The following ASB7 variants were observed in gnomAD, a reference collection of about 807,000 sequenced individuals.
The protein encoded by ASB7 is ankyrin repeat and SOCS box containing 7, also known as ankyrin repeat and SOCS box protein 7.
ASB7 carries 4 observed loss-of-function variants against 32.5 expected under a neutral mutation model. That is an observed-to-expected ratio of 0.12 (90% CI 0.06 to 0.28). ASB7 has a LOEUF of 0.28. Ranked by LOEUF, ASB7 falls within the 10% of genes least tolerant of loss-of-function variation. The pLI, the probability that ASB7 is intolerant of heterozygous loss-of-function variation, is 1.00. For missense variants in ASB7, 181 were observed against 407.1 expected, an observed-to-expected ratio of 0.44 and a Z score of 4.78; for synonymous variants, 172 against 155.6, an observed-to-expected ratio of 1.11 and a Z score of -0.78.
intron 4 of ASB7, among the ~76,000 whole-genome samples, chr15:100,623,475 A>G (rs1446926885): frequency 6.6e-6 from 1 of 152,266 alleles, no homozygotes; most frequent in Non-Finnish European, 1.5e-5. Flanking sequence ...TCCAGCAGGC[A>G]TGTGAAAAAT....
intron 3 of ASB7, 33 bp from the exon 4 acceptor site, chr15:100,612,133 A>C (rs2039701632): frequency 2.5e-6 from 3 of 1,204,940 alleles, no homozygotes; most frequent in Admixed American, 2.0e-5. Context: ...CAGTTATTCT[A>C]AATTTTACCT....
At chr15:100,619,404 A>G (rs967695366) in intron 4 of ASB7, among the ~76,000 whole-genome samples, 11 of 152,260 alleles carry the variant, frequency 7.2e-5, no homozygotes, top group Non-Finnish European at 5.9e-5. Flanking sequence ...TTAGCTAGTT[A>G]TAGTATGTGA....
chr15:100,642,551 A>T (rs1006117850), intron 5 of ASB7, among the ~76,000 whole-genome samples: 1 of 151,962 alleles, frequency 6.6e-6, no homozygotes, highest in African/African-American at 2.4e-5. Flanking sequence ...TCCTTGTAAC[A>T]CTCACCTCCA....
chr15:100,602,975 T>G lies in ASB7; in HGVS notation c.-344T>G, dbSNP rs2039569194. ...CAGGGTCCGGCCCTGCCTGGGGTAT[T>G]TCTTCAATGGAGAAGTTGGTGAGTG... On this transcript the variant is annotated 5_prime_UTR_variant, in exon 1 of 6. It adds an upstream start codon to the 5' untranslated region. Transcript: ENST00000332783. 7.5e-6 allele frequency: 3 copies of G among 398,976 alleles called. No individual in the cohort carries two copies. The highest frequency in any genetic ancestry group is 4.1e-5 in the African/African-American group (2 of 48,614). 24.7% of individuals were successfully genotyped at this position (398,976 alleles called of 1,614,324 possible).
chr15:100,608,981 T>A lies in ASB7; in HGVS notation c.-173-726T>A, dbSNP rs935718213. Among the ~76,000 whole-genome samples the A allele has an allele frequency of 2.6e-5, 4 of 152,330 alleles. No homozygotes were observed. The East Asian group carries it at 7.7e-4, about 29-fold the overall frequency. ...GGATGAGGTAGTAGTTCTCCCAATA[T>A]GTAATTCCTAGAGTTTTATGTGGAA... is the stretch of plus-strand genomic sequence containing the variant. On this transcript the variant is annotated intron_variant, in intron 2 of 5. Coordinates refer to ENST00000332783, the MANE Select transcript of ASB7 (RefSeq NM_198243.3).
intron 3 of ASB7, among the ~76,000 whole-genome samples, chr15:100,611,478 T>G (rs1196822430): frequency 9.3e-6 from 1 of 107,570 alleles, no homozygotes; most frequent in African/African-American, 3.3e-5. Flanking sequence ...CCAGATTGTT[T>G]CGATTCTTTT....
chr15:100,617,304 A>G (rs898992438), intron 4 of ASB7, among the ~76,000 whole-genome samples: 4 of 152,360 alleles, frequency 2.6e-5, no homozygotes, highest in Admixed American at 6.5e-5. Flanking sequence ...CATTTCTCTT[A>G]GGATGATATT....
At chr15:100,606,179 C>T (rs1319782032) in intron 2 of ASB7, among the ~76,000 whole-genome samples, 1 of 143,908 alleles carries the variant, frequency 6.9e-6, no homozygotes, top group Admixed American at 7.4e-5. Context: ...TGAATGTGAA[C>T]CATTGAAGGA....
At chr15:100,645,372 C>T (rs915997126) in intron 5 of ASB7, 1 of 265,346 alleles carries the variant, frequency 3.8e-6, no homozygotes, top group African/African-American at 2.2e-5. Flanking sequence ...TGATTCTCTA[C>T]CAATTTTCAT....
chr15:100,622,457 C>A (rs2039802501), intron 4 of ASB7, among the ~76,000 whole-genome samples: 1 of 152,078 alleles, frequency 6.6e-6, no homozygotes, highest in South Asian at 2.1e-4. Flanking sequence ...AAAAAACAAT[C>A]CTAAAATTCA....
intron 2 of ASB7, among the ~76,000 whole-genome samples, chr15:100,605,376 A>G (rs2039634775): frequency 6.6e-6 from 1 of 152,230 alleles, no homozygotes; most frequent in Non-Finnish European, 1.5e-5. Context: ...TTATTTCGTC[A>G]CCAAATATAG....
Position 100,648,528 on chromosome 15 carries a change from A to G in ASB7, c.*66A>G. 7.3e-7 allele frequency: 1 copy of G among 1,370,710 alleles called. No homozygotes were observed. The highest frequency in any genetic ancestry group is 1.0e-6 in the Non-Finnish European group (1 of 995,992). 84.9% of individuals were successfully genotyped at this position (1,370,710 alleles called of 1,614,324 possible). ...ATACTTAAAAGGCTTTTTGCCTTGC[A>G]CAAAGTATATCCTATGCAATTTCTG... is the stretch of plus-strand genomic sequence containing the variant. On this transcript the variant is annotated 3_prime_UTR_variant, in exon 6 of 6. Transcript: ENST00000332783.
rs1355886575 is a variant in ASB7 at position 100,626,418 on chromosome 15, C to G, written c.212-3019C>G. ...AGCACAATAAGCCACGATTTTACCT[C>G]TCTAGAATGAGTGAAATTAAAATGA... On this transcript the variant is annotated intron_variant, in intron 4 of 5. Coordinates refer to ENST00000332783, the MANE Select transcript of ASB7 (RefSeq NM_198243.3). Among the ~76,000 whole-genome samples the G allele has an allele frequency of 3.3e-5, 5 of 152,156 alleles. 1 individual carries two copies. The South Asian group carries it at 1.0e-3, about 31-fold the overall frequency.
intron 5 of ASB7, among the ~76,000 whole-genome samples, chr15:100,638,808 A>G (rs1172996484): frequency 2.0e-5 from 3 of 152,126 alleles, no homozygotes; most frequent in Admixed American, 6.5e-5. Flanking sequence ...GCCCGCATGC[A>G]TTAGGTGTTT....
At chr15:100,636,112 A>G (rs2039921336) in intron 5 of ASB7, among the ~76,000 whole-genome samples, 2 of 152,198 alleles carry the variant, frequency 1.3e-5, no homozygotes, top group African/African-American at 2.4e-5. Flanking sequence ...GTGTTCGTCA[A>G]AATTACCATT....
intron 5 of ASB7, among the ~76,000 whole-genome samples, chr15:100,644,335 A>G (rs903231711): frequency 9.9e-5 from 15 of 152,264 alleles, no homozygotes; most frequent in Admixed American, 5.9e-4. Flanking sequence ...CATGTAATTC[A>G]CATTCCAGTT....
At position 100,648,288 on chromosome 15, in the gene ASB7, G is replaced by A. The variant is rs118046496; in HGVS notation, c.818-35G>A. On this transcript the variant is annotated intron_variant, in intron 5 of 5. Transcript: ENST00000332783. ...AAGTGCCTTAAATATTGTGCTTTGT[G>A]GCTTTGTAACATTTTCTTTTTTCTG... 4.7e-4 allele frequency: 730 copies of A among 1,554,922 alleles called. 7 individuals carry two copies. In the East Asian group the frequency reaches 0.011, roughly 23 times the overall value.
chr15:100,614,791 G>GT, intron 4 of ASB7, among the ~76,000 whole-genome samples: 1 of 149,506 alleles, frequency 6.7e-6, no homozygotes, highest in Middle Eastern at 3.5e-3. Context: ...TTTTAAGAAA[G>GT]TTTATGAATT....
rs2141410401 is a variant in ASB7 at position 100,648,663 on chromosome 15, C to T, written c.*201C>T. On this transcript the variant is annotated 3_prime_UTR_variant, in exon 6 of 6. Transcript: ENST00000332783. ...TATATATATATAAAAACACACACCACATGCTTGAAGGTCTTAATTTGGTTT... is the reference window on the plus strand; with the variant it reads ...TATATATATATAAAAACACACACCATATGCTTGAAGGTCTTAATTTGGTTT... 4.6e-6 allele frequency: 2 copies of T among 438,328 alleles called. No individual in the cohort carries two copies. Among genetic ancestry groups the T allele is most frequent in the Middle Eastern group, 5.9e-4 (1 of 1,702 alleles). The allele number at this position is 438,328 out of a possible 1,614,324, so 27.2% of individuals were successfully genotyped here. A position where few individuals can be genotyped will look rare whatever the true frequency, so the allele number is the denominator to read the frequency against.
Sources: gnomAD v4.1 joint callset for allele counts (sites outside exome capture counted in the v4.1 genomes callset) on GRCh38, gnomAD v4.1.1 for gene constraint, MANE v1.5 for transcripts, NCBI Gene and HGNC (gene_info 2026-07-23, HGNC 2026-07-21) for gene names.